Variants in SHISA6 observed in about 807,000 individuals in gnomAD.
The protein encoded by SHISA6 is protein shisa-6.
A neutral mutation model predicts 47.9 loss-of-function variants in SHISA6; 22 were observed. The ratio of observed to expected loss-of-function variants is 0.46; its 90% CI spans 0.33 to 0.66. The LOEUF is 0.66. SHISA6 is among the 30% of genes least tolerant of loss of function. SHISA6 has a pLI of 0.02. For missense variants in SHISA6, 680 were observed against 764.6 expected, an observed-to-expected ratio of 0.89 and a Z score of 1.30; for synonymous variants, 388 against 337.8, an observed-to-expected ratio of 1.15 and a Z score of -1.63.
At chr17:11,326,569 G>A (rs1910904287) in intron 2 of SHISA6, among the ~76,000 whole-genome samples, 1 of 152,166 alleles carries the variant, frequency 6.6e-6, no homozygotes, top group Non-Finnish European at 1.5e-5. Flanking sequence ...TAATGACATG[G>A]CACCATATTT....
In SHISA6 at chr17:11,523,674, A is replaced by C. The variant is rs147024434; in HGVS notation, c.896-28222A>C. ...TATCTCCCTGATACTTCATACAGCT[A>C]TTTACTGGGGAGTAAAGAGCTATAA... On this transcript the variant is annotated intron_variant, in intron 3 of 5. Coordinates refer to ENST00000441885, the MANE Select transcript of SHISA6 (RefSeq NM_207386.4). Among the ~76,000 whole-genome samples the C allele has an allele frequency of 3.4e-4, 52 of 152,272 alleles. 1 individual carries two copies. Among genetic ancestry groups the C allele is most frequent in the Middle Eastern group, 3.4e-3 (1 of 294 alleles).
rs2071999662 is a variant in SHISA6, at chr17:11,558,027, C to A, written c.1379C>A (p.Ser460Tyr). The A allele has an allele frequency of 1.9e-6, 3 of 1,551,512 alleles. No homozygotes were observed. The highest frequency in any genetic ancestry group is 2.4e-5 in the East Asian group (1 of 40,918). Residue 460 changes from serine (S) to tyrosine (Y), a missense_variant, in exon 6 of 6, where the codon TCC (serine) becomes TAC (tyrosine). Around this residue, in one of 2 missense-constraint regions of SHISA6, gnomAD observed 559 missense variants for 674.1 expected, o/e 0.83. Coordinates refer to ENST00000441885, the MANE Select transcript of SHISA6 (RefSeq NM_207386.4). ...CTGCACTCCCAGGACCCGCTGCTGTCCCCGGAGCGGACGGCCTTTCCCGAG... is the reference window on the plus strand; with the variant it reads ...CTGCACTCCCAGGACCCGCTGCTGTACCCGGAGCGGACGGCCTTTCCCGAG... ...ERLHSQDPLL[S>Y]PERTAFPEQS...
intron 2 of SHISA6, among the ~76,000 whole-genome samples, chr17:11,319,088 TTTTTC>T (rs1480319020): frequency 2.7e-4 from 41 of 151,256 alleles, no homozygotes; most frequent in Middle Eastern, 3.4e-3. Context: ...TTTTTTTTTT[TTTTTC>T]CTTGAGATGG....
chr17:11,492,353 T>C (rs2071371207), intron 3 of SHISA6, among the ~76,000 whole-genome samples: 1 of 152,192 alleles, frequency 6.6e-6, no homozygotes, highest in Non-Finnish European at 1.5e-5. Context: ...AAGACCACTA[T>C]TGCATTGACC....
At chr17:11,537,612 C>T (rs2071798454) in intron 3 of SHISA6, among the ~76,000 whole-genome samples, 1 of 152,176 alleles carries the variant, frequency 6.6e-6, no homozygotes, top group Admixed American at 6.6e-5. Context: ...GAATATCTGC[C>T]ACTTTGGGCC....
At chr17:11,541,421 G>A (rs1265375356) in intron 3 of SHISA6, among the ~76,000 whole-genome samples, 1 of 152,216 alleles carries the variant, frequency 6.6e-6, no homozygotes, top group East Asian at 1.9e-4. Context: ...GAAGGAGGCA[G>A]AGGAAGCCAC....
intron 2 of SHISA6, among the ~76,000 whole-genome samples, chr17:11,273,327 C>T (rs929659910): frequency 2.0e-5 from 3 of 152,150 alleles, no homozygotes; most frequent in South Asian, 2.1e-4. Context: ...GTTCTGAAGC[C>T]GTGTGTCTAC....
In SHISA6 at chr17:11,344,341, A is replaced by G. The variant is rs927649845; in HGVS notation, c.800-35073A>G. ...TTAAAAATATGATGAAATACATTTT[A>G]TGTATTTTTTCTTTTGTTACTTGTG... On this transcript the variant is annotated intron_variant, in intron 2 of 5. Coordinates refer to ENST00000441885, the MANE Select transcript of SHISA6 (RefSeq NM_207386.4). 3.3e-5 allele frequency among the ~76,000 whole-genome samples: 5 copies of G among 152,148 alleles called. No individual in the cohort carries two copies. The South Asian group carries it at 1.0e-3, about 32-fold the overall frequency.
chr17:11,368,296 A>G (rs1912519671), intron 2 of SHISA6, among the ~76,000 whole-genome samples: 1 of 108,086 alleles, frequency 9.3e-6, no homozygotes, highest in Non-Finnish European at 2.0e-5. Context: ...TGGAGGTGAG[A>G]TGAGCTGACG....
intron 3 of SHISA6, among the ~76,000 whole-genome samples, chr17:11,421,576 C>T (rs539353316): frequency 2.6e-5 from 4 of 152,280 alleles, no homozygotes; most frequent in East Asian, 1.9e-4. Flanking sequence ...TGATACACCA[C>T]GAGGTGGGAA....
Position 11,391,499 on chromosome 17 carries a change from G to A in SHISA6, c.895+11990G>A, listed in dbSNP as rs137965435. Among the ~76,000 whole-genome samples the A allele has an allele frequency of 6.5e-3, 991 of 152,270 alleles. 10 individuals are homozygous for A. Among genetic ancestry groups the A allele is most frequent in the Middle Eastern group, 0.02 (6 of 294 alleles). On this transcript the variant is annotated intron_variant, in intron 3 of 5. Coordinates refer to ENST00000441885, the MANE Select transcript of SHISA6 (RefSeq NM_207386.4). ...GGAGCAAAGCAGCACGCAAAAAGCA[G>A]ACCTCTGTGTGTGGCTGACTCCATG...
intron 3 of SHISA6, among the ~76,000 whole-genome samples, chr17:11,503,183 G>C (rs902900204): frequency 2.0e-5 from 3 of 152,180 alleles, no homozygotes; most frequent in African/African-American, 7.2e-5. Flanking sequence ...TGACTTGACT[G>C]AGATCGCTGA....
intron 3 of SHISA6, among the ~76,000 whole-genome samples, chr17:11,511,194 C>G (rs1269408360): frequency 6.6e-6 from 1 of 152,192 alleles, no homozygotes; most frequent in East Asian, 1.9e-4. Flanking sequence ...AACAGAAAAC[C>G]AAACACCCCA....
chr17:11,317,920 C>T (rs916729654), intron 2 of SHISA6, among the ~76,000 whole-genome samples: 1 of 151,910 alleles, frequency 6.6e-6, no homozygotes, highest in African/African-American at 2.4e-5. Context: ...GTAAGGTAAA[C>T]CCTTTTTACT....
At chr17:11,243,643 C>T (rs1188986373) in intron 1 of SHISA6, among the ~76,000 whole-genome samples, 1 of 152,170 alleles carries the variant, frequency 6.6e-6, no homozygotes, top group Non-Finnish European at 1.5e-5. Flanking sequence ...AATTTTCTGT[C>T]TCGGCTCAGT....
intron 2 of SHISA6, among the ~76,000 whole-genome samples, chr17:11,322,486 A>G (rs1214562771): frequency 1.3e-5 from 2 of 152,130 alleles, no homozygotes; most frequent in African/African-American, 2.4e-5. Flanking sequence ...AATTTTATCT[A>G]TATCTTTGAG....
chr17:11,530,118 T>C (rs2071719806), intron 3 of SHISA6, among the ~76,000 whole-genome samples: 1 of 152,178 alleles, frequency 6.6e-6, no homozygotes, highest in African/African-American at 2.4e-5. Context: ...ACCTTGAAAT[T>C]AGAACCCCTC....
At chr17:11,320,442 G>A (rs1334857505) in intron 2 of SHISA6, among the ~76,000 whole-genome samples, 1 of 152,100 alleles carries the variant, frequency 6.6e-6, no homozygotes, top group African/African-American at 2.4e-5. Context: ...GGTGGATCAT[G>A]AGGTCAGGAG....
chr17:11,348,709 A>T (rs1347947470), intron 2 of SHISA6, among the ~76,000 whole-genome samples: 1 of 151,976 alleles, frequency 6.6e-6, no homozygotes, highest in Admixed American at 6.6e-5. Flanking sequence ...CATAAGAAAC[A>T]AGTTCATTTG....
Sources: allele counts gnomAD v4.1 joint callset (sites outside exome capture counted in the v4.1 genomes callset), GRCh38; gene constraint gnomAD v4.1.1; regional missense constraint gnomAD v4.1.1; transcripts MANE v1.5; gene names NCBI Gene and HGNC (gene_info 2026-07-23, HGNC 2026-07-21).